The following FRMPD4 variants were observed in gnomAD, a reference collection of about 807,000 sequenced individuals.
The protein encoded by FRMPD4 is FERM and PDZ domain containing 4.
FRMPD4 carries 22 observed loss-of-function variants against 94.1 expected under a neutral mutation model. The observed-to-expected ratio is 0.23, with a 90% CI of 0.17 to 0.33. The LOEUF (loss-of-function observed/expected upper bound fraction) is 0.33, where lower values mean the gene tolerates loss of function less well. Ranked by LOEUF, FRMPD4 falls within the 10% of genes least tolerant of loss-of-function variation. The pLI is 1.00. For synonymous variants in FRMPD4, 631 were observed against 548.6 expected (o/e 1.15, Z -2.10); for missense variants, 1,111 against 1,339.9 (o/e 0.83, Z 2.67).
chrX:12,502,738 G>T (rs2057937146), intron 2 of FRMPD4, among the ~76,000 whole-genome samples: 2 of 111,579 alleles, frequency 1.8e-5, no homozygotes, highest in African/African-American at 6.5e-5. Context: ...GAGATAGATG[G>T]GTATAGATAC....
At chrX:12,678,916 C>T (rs1444800400) in intron 5 of FRMPD4, among the ~76,000 whole-genome samples, 1 of 112,726 alleles carries the variant, frequency 8.9e-6, no homozygotes, top group African/African-American at 3.2e-5. Flanking sequence ...TCTGGTGTCC[C>T]ATGAGCTAGC....
chrX:12,627,530 A>C (rs1480738694), intron 4 of FRMPD4, among the ~76,000 whole-genome samples: 3 of 112,101 alleles, frequency 2.7e-5, no homozygotes, highest in Non-Finnish European at 5.6e-5. Context: ...TGGTGATTCT[A>C]GAAAATGGAA....
At chrX:12,404,950 A>G (rs2056650641) in intron 1 of FRMPD4, among the ~76,000 whole-genome samples, 1 of 111,415 alleles carries the variant, frequency 9.0e-6, no homozygotes, top group African/African-American at 3.3e-5. Flanking sequence ...AACTTTATTT[A>G]TGAAGATACA....
rs2057755056 is a variant in FRMPD4, at chrX:12,487,893, A to G, written c.42-10787A>G. 2.7e-5 allele frequency among the ~76,000 whole-genome samples: 3 copies of G among 112,383 alleles called. No homozygotes were observed. The Admixed American group carries it at 2.8e-4, about 11-fold the overall frequency. Reference sequence around the variant, plus strand: ...AAAGCTGTGAATCTCTTCATTAAACAATTTTAAAAGAAAAGCCACCAGAAA... The same window carrying G: ...AAAGCTGTGAATCTCTTCATTAAACGATTTTAAAAGAAAAGCCACCAGAAA... On this transcript the variant is annotated intron_variant, in intron 1 of 16. Coordinates refer to ENST00000675598, the MANE Select transcript of FRMPD4 (RefSeq NM_001368397.1).
At chrX:11,942,185 C>G (rs2054163542) in intron 3 of FRMPD4, among the ~76,000 whole-genome samples, 1 of 108,747 alleles carries the variant, frequency 9.2e-6, no homozygotes, top group Admixed American at 9.8e-5. Flanking sequence ...ACCTCTTACC[C>G]TGGGGGAATT....
At position 12,721,749 on chromosome X, in the gene FRMPD4, G is replaced by A; in HGVS notation, c.5180G>A (p.Gly1727Glu). 1.3e-6 allele frequency: 1 copy of A among 755,414 alleles called. No homozygotes were observed. The highest frequency in any genetic ancestry group is 1.6e-6 in the Non-Finnish European group (1 of 638,774). 62.3% of individuals were successfully genotyped at this position (755,414 alleles called of 1,213,427 possible). A position where few individuals can be genotyped will look rare whatever the true frequency, so the allele number is the denominator to read the frequency against. The change falls in exon 17 of 17, where the codon GGA (glycine) becomes GAA (glutamate). Residue 1727 changes from glycine to glutamate, a missense_variant. Physicochemically the swap from Gly to Glu is moderately conservative, Grantham distance 98. This residue lies in a region of FRMPD4 where 551 missense variants were observed against 591.6 expected (regional missense o/e 0.93). Transcript: ENST00000675598. The part of the protein sequence containing the change: ...CLLKAAEAAT[G>E]KNPGDPNVGL... Reference sequence around the variant, plus strand: ...CTGAAAGCTGCCGAAGCAGCCACTGGAAAGAACCCTGGGGACCCTAATGTT... The same window carrying A: ...CTGAAAGCTGCCGAAGCAGCCACTGAAAAGAACCCTGGGGACCCTAATGTT...
At chrX:12,714,842 G>T (rs1447251407) in intron 14 of FRMPD4, among the ~76,000 whole-genome samples, 4 of 112,085 alleles carry the variant, frequency 3.6e-5, no homozygotes, top group Non-Finnish European at 5.6e-5. Context: ...TTTATTTATT[G>T]TATGGTAAGA....
chrX:12,356,303 T>C (rs1036845304), intron 1 of FRMPD4, among the ~76,000 whole-genome samples: 2 of 112,364 alleles, frequency 1.8e-5, no homozygotes, highest in African/African-American at 6.5e-5. Flanking sequence ...GAAATATTTT[T>C]ATTTTCTTCA....
intron 1 of FRMPD4, among the ~76,000 whole-genome samples, chrX:12,205,648 G>A (rs1310102089): frequency 3.6e-5 from 4 of 111,815 alleles, no homozygotes; most frequent in Non-Finnish European, 1.9e-5. Flanking sequence ...TGGGGTGTTT[G>A]GGGAATCACC....
intron 1 of FRMPD4, among the ~76,000 whole-genome samples, chrX:12,221,790 G>A (rs1422790601): frequency 8.9e-6 from 1 of 111,850 alleles, no homozygotes; most frequent in Non-Finnish European, 1.9e-5. Context: ...GACCCTGAAT[G>A]CTGGGTGGAG....
intron 2 of FRMPD4, among the ~76,000 whole-genome samples, chrX:12,549,282 G>A (rs909693647): frequency 8.9e-6 from 1 of 111,787 alleles, no homozygotes; most frequent in Non-Finnish European, 1.9e-5. Flanking sequence ...TCCTGGGCCA[G>A]CTTATAAGTA....
At chrX:12,583,657 C>G in intron 2 of FRMPD4, 1 of 382,807 alleles carries the variant, frequency 2.6e-6, no homozygotes, top group Admixed American at 4.1e-5. Flanking sequence ...CCTGAGTCTG[C>G]GCGCCCCGCC....
chrX:12,206,410 G>C (rs1366907661), intron 1 of FRMPD4, among the ~76,000 whole-genome samples: 1 of 111,692 alleles, frequency 9.0e-6, no homozygotes, highest in East Asian at 2.8e-4. Flanking sequence ...CAAGTCATGA[G>C]GCAGAGCCAA....
At chrX:12,248,717 G>A (rs1007039193) in intron 1 of FRMPD4, among the ~76,000 whole-genome samples, 5 of 112,098 alleles carry the variant, frequency 4.5e-5, no homozygotes, top group African/African-American at 6.5e-5. Flanking sequence ...TGTTCTTTTA[G>A]CCTTTTTTTC....
intron 4 of FRMPD4, among the ~76,000 whole-genome samples, chrX:12,665,682 A>G (rs1364697012): frequency 1.8e-5 from 2 of 112,301 alleles, no homozygotes; most frequent in Non-Finnish European, 3.8e-5. Context: ...ACTAAGCTTC[A>G]TAAGCGAAGG....
rs149176727 is a variant in FRMPD4, at chrX:12,593,361, C to G, written c.159-16360C>G. Among the ~76,000 whole-genome samples the G allele has an allele frequency of 7.0e-3, 783 of 111,992 alleles. 9 individuals carry two copies. The highest frequency in any genetic ancestry group is 0.023 in the African/African-American group (698 of 30,828). On this transcript the variant is annotated intron_variant, in intron 2 of 16. Transcript: ENST00000675598. ...CATTTATCCTCAATGTATCTTTTCT[C>G]TCTACTGTTTTAAGGATAATTTATT...
intron 1 of FRMPD4, among the ~76,000 whole-genome samples, chrX:12,263,418 AGGTAG>A (rs1229992370): frequency 9.0e-6 from 1 of 111,688 alleles, no homozygotes; most frequent in African/African-American, 3.3e-5. Flanking sequence ...GTCATCAGTG[AGGTAG>A]GGACATCAGA....
At chrX:12,141,554 A>G (rs2055691153) in intron 1 of FRMPD4, among the ~76,000 whole-genome samples, 2 of 108,545 alleles carry the variant, frequency 1.8e-5, no homozygotes, top group African/African-American at 6.6e-5. Flanking sequence ...ATCAGAATTG[A>G]CAGTGCCCCT....
At chrX:12,075,730 A>C (rs1004401312) in intron 3 of FRMPD4, among the ~76,000 whole-genome samples, 7 of 112,011 alleles carry the variant, frequency 6.2e-5, no homozygotes, top group Admixed American at 3.8e-4. Flanking sequence ...TATAACAGCA[A>C]ATTAGCAGCA....
Sources: gnomAD v4.1 joint callset for allele counts (sites outside exome capture counted in the v4.1 genomes callset) on GRCh38, gnomAD v4.1.1 for gene constraint, gnomAD v4.1.1 regional missense constraint, MANE v1.5 for transcripts, NCBI Gene and HGNC (gene_info 2026-07-23, HGNC 2026-07-21) for gene names.